Variants in RAD54B observed in about 807,000 individuals in gnomAD.
RAD54B encodes DNA repair and recombination protein RAD54B.
Under a neutral mutation model 95.8 loss-of-function variants are expected in RAD54B, and 78 were observed. That is an observed-to-expected ratio of 0.81 (90% CI 0.68 to 0.98). The LOEUF is 0.98. Ranked by LOEUF, RAD54B falls within the 50% of genes least tolerant of loss-of-function variation. The probability of loss-of-function intolerance (pLI) is 0.00; values close to 1 mark genes in which losing one functional copy is unlikely to be tolerated. For synonymous variants in RAD54B, 328 were observed against 354.9 expected (o/e 0.92, Z 0.85); for missense variants, 957 against 1,056.6 (o/e 0.91, Z 1.31).
chr8:94,396,591 T>C (rs1811152904), intron 8 of RAD54B, among the ~76,000 whole-genome samples: 1 of 152,122 alleles, frequency 6.6e-6, no homozygotes, highest in Admixed American at 6.6e-5. Flanking sequence ...ACAAAGAGTA[T>C]ATGCTTGTAG....
Position 94,419,747 on chromosome 8 carries a change from C to CA in RAD54B, c.305-8433dup, listed in dbSNP as rs36042247. Among the ~76,000 whole-genome samples the CA allele has an allele frequency of 5.9e-3, 411 of 70,242 alleles. 5 individuals are homozygous for CA. The highest frequency in any genetic ancestry group is 0.016 in the East Asian group (35 of 2,252). The allele number at this position is 70,242 out of a possible 152,430, so 46.1% of individuals were successfully genotyped here. On this transcript the variant is annotated intron_variant, in intron 3 of 14. Transcript: ENST00000336148. Reference sequence around the variant, plus strand: ...TCTTCTCTCACAGCCTGGCCCCCACCAAAAAAAAAAAAAAAAAAAAAGCAA... The same window carrying CA: ...TCTTCTCTCACAGCCTGGCCCCCACCAAAAAAAAAAAAAAAAAAAAAAGCAA...
intron 3 of RAD54B, chr8:94,436,428 G>T (rs1385173976): frequency 2.1e-6 from 3 of 1,455,752 alleles, no homozygotes; most frequent in Non-Finnish European, 2.7e-6. Context: ...TCTCTATCAC[G>T]ACTAAGCCAA....
intron 3 of RAD54B, among the ~76,000 whole-genome samples, chr8:94,442,690 G>A (rs1026394321): frequency 3.3e-5 from 5 of 151,016 alleles, no homozygotes; most frequent in Non-Finnish European, 5.9e-5. Flanking sequence ...CAAAACAGAA[G>A]AATTGGGATG....
chr8:94,448,663 TG>T (rs1812577143), intron 3 of RAD54B, among the ~76,000 whole-genome samples: 1 of 146,866 alleles, frequency 6.8e-6, no homozygotes, highest in African/African-American at 2.5e-5. Flanking sequence ...AGAAAAATAC[TG>T]CATCTCACGT....
At chr8:94,387,590 G>A (rs1324777193) in intron 10 of RAD54B, among the ~76,000 whole-genome samples, 5 of 151,954 alleles carry the variant, frequency 3.3e-5, no homozygotes, top group Non-Finnish European at 4.4e-5. Flanking sequence ...CTACTGAATT[G>A]TGGGCTTCAT....
intron 6 of RAD54B, 102 bp downstream of exon 6, chr8:94,403,975 C>A (rs1452879933): frequency 1.1e-6 from 1 of 886,648 alleles, no homozygotes; most frequent in Non-Finnish European, 1.6e-6. Flanking sequence ...TCATAGTGTA[C>A]CCTCAGGACT....
chr8:94,471,760 T>G (rs1813176952), intron 1 of RAD54B, among the ~76,000 whole-genome samples: 1 of 152,072 alleles, frequency 6.6e-6, no homozygotes, highest in African/African-American at 2.4e-5. Context: ...AATGTTACCT[T>G]TGTAATAGGG....
chr8:94,404,767 C>G (rs1366716577), intron 5 of RAD54B, among the ~76,000 whole-genome samples: 6 of 152,086 alleles, frequency 3.9e-5, no homozygotes, highest in Non-Finnish European at 8.8e-5. Context: ...GACTTAGCCA[C>G]CATTATTTGC....
At chr8:94,389,011 T>C (rs1810954888) in intron 10 of RAD54B, among the ~76,000 whole-genome samples, 2 of 152,204 alleles carry the variant, frequency 1.3e-5, no homozygotes, top group Non-Finnish European at 2.9e-5. Flanking sequence ...TTTAGACCAA[T>C]CAGTCTATGC....
rs537750949 is a variant in RAD54B at position 94,383,404 on chromosome 8, C to T, written c.1986-2998G>A. Reference sequence around the variant, plus strand: ...GAAAGACAAAGAAAATACAGAGGCACCTAGAGACCACAGTGGTACCCCATT... The same window carrying T: ...GAAAGACAAAGAAAATACAGAGGCATCTAGAGACCACAGTGGTACCCCATT... On this transcript the variant is annotated intron_variant, in intron 11 of 14. Transcript: ENST00000336148. Among the ~76,000 whole-genome samples the T allele has an allele frequency of 2.2e-4, 34 of 152,016 alleles. No homozygotes were observed. The South Asian group carries it at 5.6e-3, about 25-fold the overall frequency.
intron 14 of RAD54B, among the ~76,000 whole-genome samples, chr8:94,374,390 T>C (rs10094758): frequency 0.012 from 1,789 of 151,954 alleles, 43 homozygotes; most frequent in African/African-American, 0.041. Context: ...AGTTCGCCAG[T>C]ATTAGGCCCT....
chr8:94,471,721 T>G (rs967696513), intron 1 of RAD54B, among the ~76,000 whole-genome samples: 1 of 152,072 alleles, frequency 6.6e-6, no homozygotes, highest in Non-Finnish European at 1.5e-5. Flanking sequence ...TGAGTTATTT[T>G]CTGTATATTT....
At chr8:94,440,868 A>G (rs1186797342) in intron 3 of RAD54B, among the ~76,000 whole-genome samples, 3 of 152,170 alleles carry the variant, frequency 2.0e-5, no homozygotes, top group African/African-American at 4.8e-5. Context: ...ATATTGTTTT[A>G]TATTGTTTTA....
Position 94,372,396 on chromosome 8 carries a change from A to G in RAD54B, c.2516-9T>C, listed in dbSNP as rs1159272170. On this transcript the variant is annotated splice_polypyrimidine_tract_variant and intron_variant, in intron 14 of 14. Coordinates refer to ENST00000336148, the MANE Select transcript of RAD54B (RefSeq NM_012415.3). ...TTTTTCCAACGAATCACCTGTAATA[A>G]GTAAAACAATGAGAAAATCCTTAGG... is the stretch of plus-strand genomic sequence containing the variant. 5 of 1,609,764 alleles carry G rather than the reference A, an allele frequency of 3.1e-6. No individual in the cohort carries two copies. Among genetic ancestry groups the G allele is most frequent in the Non-Finnish European group, 4.2e-6 (5 of 1,179,266 alleles).
At chr8:94,458,184 C>T (rs1445395211) in intron 3 of RAD54B, 84 bp downstream of exon 3, 1 of 1,284,892 alleles carries the variant, frequency 7.8e-7, no homozygotes, top group Non-Finnish European at 1.1e-6. Context: ...TCTAATATAA[C>T]ATATTCATTC....
At chr8:94,392,454 GTTTCA>G (rs1272252116) in intron 9 of RAD54B, among the ~76,000 whole-genome samples, 1 of 152,014 alleles carries the variant, frequency 6.6e-6, no homozygotes, top group Non-Finnish European at 1.5e-5. Flanking sequence ...TAAAGATGGG[GTTTCA>G]CCATGTCGGC....
intron 2 of RAD54B, among the ~76,000 whole-genome samples, chr8:94,464,362 A>C (rs1174093607): frequency 6.6e-6 from 1 of 152,156 alleles, no homozygotes; most frequent in Non-Finnish European, 1.5e-5. Flanking sequence ...TGACCTGTAG[A>C]AGCTGGAGAA....
intron 9 of RAD54B, among the ~76,000 whole-genome samples, chr8:94,393,073 C>T (rs539886838): frequency 6.6e-6 from 1 of 151,936 alleles, no homozygotes; most frequent in South Asian, 2.1e-4. Context: ...CCACCCACCT[C>T]AGCCTCCCAA....
At chr8:94,432,513 CT>C (rs753019711) in intron 3 of RAD54B, 3 of 1,550,644 alleles carry the variant, frequency 1.9e-6, no homozygotes, top group Non-Finnish European at 2.6e-6. Flanking sequence ...TAAAGTATCA[CT>C]CTGTTGAGAA....
Sources: allele counts gnomAD v4.1 joint callset (sites outside exome capture counted in the v4.1 genomes callset), GRCh38; gene constraint gnomAD v4.1.1; transcripts MANE v1.5; gene names NCBI Gene and HGNC (gene_info 2026-07-23, HGNC 2026-07-21).